The following SLC10A7 variants were observed in gnomAD, a reference collection of about 807,000 sequenced individuals.
SLC10A7 encodes sodium/bile acid cotransporter 7.
SLC10A7 carries 29 observed loss-of-function variants against 43.2 expected under a neutral mutation model. The ratio of observed to expected loss-of-function variants is 0.67; its 90% CI spans 0.50 to 0.92. SLC10A7 has a LOEUF of 0.92. Among genes scored for constraint, SLC10A7 ranks in the 40% least tolerant of loss-of-function variants. The probability of loss-of-function intolerance (pLI) is 0.00; values close to 1 mark genes in which losing one functional copy is unlikely to be tolerated. For synonymous variants in SLC10A7, 152 were observed against 144.8 expected, an observed-to-expected ratio of 1.05 and a Z score of -0.35; for missense variants, 295 against 403.2, an observed-to-expected ratio of 0.73 and a Z score of 2.30.
chr4:146,417,666 T>C (rs562941252), intron 5 of SLC10A7, among the ~76,000 whole-genome samples: 1 of 152,340 alleles, frequency 6.6e-6, no homozygotes, highest in African/African-American at 2.4e-5. Flanking sequence ...ACTGTACTTT[T>C]AGCAAATTCT....
chr4:146,294,270 C>T (rs1010619053), intron 7 of SLC10A7, among the ~76,000 whole-genome samples, 175 bp from the exon 8 acceptor site: 1 of 152,172 alleles, frequency 6.6e-6, no homozygotes, highest in Non-Finnish European at 1.5e-5. Context: ...GGGAATTTAA[C>T]ATTTGTAGTG....
intron 5 of SLC10A7, among the ~76,000 whole-genome samples, chr4:146,389,530 C>T (rs1232663131): frequency 2.0e-5 from 3 of 152,166 alleles, no homozygotes; most frequent in Non-Finnish European, 4.4e-5. Flanking sequence ...TATGGTAATT[C>T]GTTACAGCAG....
intron 4 of SLC10A7, among the ~76,000 whole-genome samples, chr4:146,471,914 A>G (rs1177710101): frequency 2.6e-5 from 4 of 152,128 alleles, no homozygotes; most frequent in African/African-American, 7.2e-5. Context: ...TTGAACCATC[A>G]CTTATATCAA....
In SLC10A7 at chr4:146,521,724, T is replaced by C. The variant is rs1274820227; in HGVS notation, c.-7A>G. 6.2e-7 allele frequency: 1 copy of C among 1,611,984 alleles called. No individual in the cohort carries two copies. Among genetic ancestry groups the C allele is most frequent in the Admixed American group, 1.7e-5 (1 of 59,946 alleles). On this transcript the variant is annotated 5_prime_UTR_variant, in exon 1 of 12. It removes the in-frame stop codon of an upstream open reading frame in the 5' UTR. Transcript: ENST00000335472. ...TTCTCTCCAGCAGCCTCATATTTGTTAGGGTGGGTGGGTTTTGTTTATTTG... is the reference window on the plus strand; with the variant it reads ...TTCTCTCCAGCAGCCTCATATTTGTCAGGGTGGGTGGGTTTTGTTTATTTG...
At chr4:146,480,809 G>A (rs1253630970) in intron 4 of SLC10A7, among the ~76,000 whole-genome samples, 2 of 151,932 alleles carry the variant, frequency 1.3e-5, no homozygotes, top group African/African-American at 4.8e-5. Context: ...TCAGCAAGAT[G>A]GCTGACAGGA....
At chr4:146,414,884 A>T (rs1304627431) in intron 5 of SLC10A7, among the ~76,000 whole-genome samples, 1 of 152,182 alleles carries the variant, frequency 6.6e-6, no homozygotes, top group Non-Finnish European at 1.5e-5. Flanking sequence ...ACCTCCTTAA[A>T]AATCTTAATA....
intron 4 of SLC10A7, among the ~76,000 whole-genome samples, chr4:146,480,785 C>A (rs2149984761): frequency 6.6e-6 from 1 of 151,998 alleles, no homozygotes. Flanking sequence ...TTGAAAGCAA[C>A]CAGAAGAGCG....
chr4:146,432,360 A>C (rs1257483746), intron 5 of SLC10A7, among the ~76,000 whole-genome samples: 1 of 152,208 alleles, frequency 6.6e-6, no homozygotes, highest in Non-Finnish European at 1.5e-5. Context: ...ATTATCATCC[A>C]GGAAACAACC....
intron 4 of SLC10A7, among the ~76,000 whole-genome samples, chr4:146,463,827 C>CTT (rs576818067): frequency 5.1e-5 from 7 of 136,316 alleles, no homozygotes; most frequent in Admixed American, 7.3e-5. Context: ...TTTTTTTTTT[C>CTT]TTTTTTTTTT....
intron 9 of SLC10A7, among the ~76,000 whole-genome samples, chr4:146,288,510 G>T (rs1010472824): frequency 6.6e-6 from 1 of 152,144 alleles, no homozygotes; most frequent in African/African-American, 2.4e-5. Context: ...TCATAAGTTT[G>T]CCCTTTTGAG....
In SLC10A7 at chr4:146,379,742, C is replaced by T. The variant is rs1560852131; in HGVS notation, c.436-53746G>A. 2.0e-5 allele frequency among the ~76,000 whole-genome samples: 3 copies of T among 152,180 alleles called. No homozygotes were observed. The South Asian group carries it at 6.2e-4, about 31-fold the overall frequency. On this transcript the variant is annotated intron_variant, in intron 5 of 11. Coordinates refer to ENST00000335472, the MANE Select transcript of SLC10A7 (RefSeq NM_001029998.6). ...TTATATTTTTATCCTCTCCAAAGAA[C>T]ATCGCATTAAGTACTCTTTCATTGA...
intron 5 of SLC10A7, among the ~76,000 whole-genome samples, chr4:146,341,172 A>G (rs1734237781): frequency 6.6e-6 from 1 of 151,084 alleles, no homozygotes; most frequent in Non-Finnish European, 1.5e-5. Context: ...TATGATTAAT[A>G]TAAGTATAAT....
At chr4:146,390,072 A>G (rs1738306361) in intron 5 of SLC10A7, among the ~76,000 whole-genome samples, 1 of 152,230 alleles carries the variant, frequency 6.6e-6, no homozygotes, top group Non-Finnish European at 1.5e-5. Context: ...TAACCTTTTA[A>G]TAGTAAAATT....
intron 9 of SLC10A7, among the ~76,000 whole-genome samples, chr4:146,289,932 T>G (rs1242035749): frequency 6.7e-6 from 1 of 149,888 alleles, no homozygotes; most frequent in Non-Finnish European, 1.5e-5. Flanking sequence ...GCCTGGCTGG[T>G]TTTGAACTCC....
intron 1 of SLC10A7, among the ~76,000 whole-genome samples, chr4:146,519,471 T>C (rs886370653): frequency 4.0e-5 from 6 of 151,634 alleles, no homozygotes; most frequent in Admixed American, 3.3e-4. Flanking sequence ...ACACAAATCA[T>C]TTTGCTGAGA....
chr4:146,344,235 C>G (rs1008332626), intron 5 of SLC10A7, among the ~76,000 whole-genome samples: 22 of 152,152 alleles, frequency 1.4e-4, no homozygotes, highest in African/African-American at 5.3e-4. Flanking sequence ...TGAATGGAGA[C>G]TATGCCTTAC....
At chr4:146,256,559 C>A in intron 11 of SLC10A7, 39 bp from the exon 12 acceptor site, 1 of 1,610,568 alleles carries the variant, frequency 6.2e-7, no homozygotes, top group Non-Finnish European at 8.5e-7. Flanking sequence ...TGGACAGTAT[C>A]CATGAGGAAA....
At chr4:146,401,667 C>G (rs1179273760) in intron 5 of SLC10A7, among the ~76,000 whole-genome samples, 1 of 152,126 alleles carries the variant, frequency 6.6e-6, no homozygotes, top group Non-Finnish European at 1.5e-5. Flanking sequence ...AGATAAGAGT[C>G]TTGCCCAAAT....
chr4:146,326,923 C>G (rs767745053), intron 5 of SLC10A7, among the ~76,000 whole-genome samples: 3 of 6,792 alleles, frequency 4.4e-4, no homozygotes, highest in Non-Finnish European at 6.8e-4. Context: ...GACAGACACA[C>G]ACACACACAC....
Sources: gnomAD v4.1 joint callset for allele counts (sites outside exome capture counted in the v4.1 genomes callset) on GRCh38, gnomAD v4.1.1 for gene constraint, MANE v1.5 for transcripts, NCBI Gene and HGNC (gene_info 2026-07-23, HGNC 2026-07-21) for gene names.